Variants in NRXN3 observed in about 807,000 individuals in gnomAD.
NRXN3 encodes neurexin III.
Under a neutral mutation model 137.6 loss-of-function variants are expected in NRXN3, and 32 were observed. The observed-to-expected ratio is 0.23, with a 90% CI of 0.18 to 0.31. The LOEUF is 0.31. Ranked by LOEUF, NRXN3 falls within the 10% of genes least tolerant of loss-of-function variation. The probability of loss-of-function intolerance (pLI) is 1.00; values close to 1 mark genes in which losing one functional copy is unlikely to be tolerated. For synonymous variants in NRXN3, 798 were observed against 784.5 expected, an observed-to-expected ratio of 1.02 and a Z score of -0.29; for missense variants, 1,574 against 2,062.5, an observed-to-expected ratio of 0.76 and a Z score of 4.59.
intron 2 of NRXN3, among the ~76,000 whole-genome samples, chr14:78,249,121 A>G (rs551553340): frequency 6.6e-6 from 1 of 152,074 alleles, no homozygotes; most frequent in Admixed American, 6.5e-5. Context: ...CTCCCCTAAC[A>G]TCTCTGCCTC....
At chr14:78,405,614 G>GGGGC (rs1555510785) in intron 4 of NRXN3, among the ~76,000 whole-genome samples, 1 of 34,522 alleles carries the variant, frequency 2.9e-5, no homozygotes, top group Admixed American at 2.2e-4. Flanking sequence ...GGGAAGGGGC[G>GGGGC]GGGGGGTTCC....
rs529086318 is a variant in NRXN3 at position 78,856,939 on chromosome 14, G to T, written c.2275+46595G>T. Among the ~76,000 whole-genome samples the T allele has an allele frequency of 6.6e-5, 10 of 152,148 alleles. No homozygotes were observed. In the South Asian group the frequency reaches 2.1e-3, roughly 32 times the overall value. ...GTAGAAACATGGTTTCACCATGTTG[G>T]CCAGGCTGGCCTCAAACTCCTCACC... On this transcript the variant is annotated intron_variant, in intron 10 of 20. Coordinates refer to ENST00000335750, the MANE Select transcript of NRXN3 (RefSeq NM_001330195.2).
intron 10 of NRXN3, among the ~76,000 whole-genome samples, chr14:78,946,474 T>G (rs2099365479): frequency 6.6e-6 from 1 of 152,156 alleles, no homozygotes. Context: ...GACTCTAAGC[T>G]CCTTTAGAAC....
At chr14:79,177,332 C>T (rs1039516236) in intron 15 of NRXN3, among the ~76,000 whole-genome samples, 3 of 152,090 alleles carry the variant, frequency 2.0e-5, no homozygotes, top group Non-Finnish European at 4.4e-5. Context: ...CCGCTCACTC[C>T]CGACTTCAAG....
chr14:79,407,824 C>T (rs1446265947), intron 15 of NRXN3, among the ~76,000 whole-genome samples: 1 of 151,978 alleles, frequency 6.6e-6, no homozygotes, highest in Non-Finnish European at 1.5e-5. Flanking sequence ...AAGGGTAGGA[C>T]ACATGTGAGT....
chr14:79,034,619 T>C (rs1385485406), intron 15 of NRXN3, among the ~76,000 whole-genome samples: 1 of 152,134 alleles, frequency 6.6e-6, no homozygotes, highest in African/African-American at 2.4e-5. Context: ...CAAGGTGTTA[T>C]GATGTCTTGA....
intron 4 of NRXN3, among the ~76,000 whole-genome samples, chr14:78,298,639 C>G (rs2076589889): frequency 6.6e-6 from 1 of 152,138 alleles, no homozygotes; most frequent in South Asian, 2.1e-4. Context: ...GAGAGCTGAG[C>G]CTAGTTAAAA....
At chr14:78,844,750 G>C (rs538110260) in intron 10 of NRXN3, among the ~76,000 whole-genome samples, 1 of 152,102 alleles carries the variant, frequency 6.6e-6, no homozygotes, top group Non-Finnish European at 1.5e-5. Context: ...TTGATGATTT[G>C]GTTGAAAAAA....
At chr14:79,138,254 C>T (rs1389340485) in intron 15 of NRXN3, among the ~76,000 whole-genome samples, 2 of 152,108 alleles carry the variant, frequency 1.3e-5, no homozygotes, top group Non-Finnish European at 2.9e-5. Flanking sequence ...CTTCCAGGCT[C>T]ATGATCCTTA....
At chr14:78,592,966 G>T (rs116006519) in intron 4 of NRXN3, among the ~76,000 whole-genome samples, 2 of 152,162 alleles carry the variant, frequency 1.3e-5, no homozygotes, top group Non-Finnish European at 2.9e-5. Flanking sequence ...GTCTGATGTC[G>T]TCGTCATCGG....
intron 16 of NRXN3, among the ~76,000 whole-genome samples, chr14:79,594,386 A>G (rs1257229170): frequency 6.6e-6 from 1 of 152,204 alleles, no homozygotes; most frequent in Non-Finnish European, 1.5e-5. Context: ...AGCATGTCAT[A>G]TCTTTCAGAT....
At chr14:78,613,852 GAAAACCAAGTGC>G (rs1427640446) in intron 4 of NRXN3, among the ~76,000 whole-genome samples, 3 of 152,070 alleles carry the variant, frequency 2.0e-5, no homozygotes, top group African/African-American at 7.2e-5. Flanking sequence ...GAGAACTTAA[GAAAACCAAGTGC>G]ATTCTTAAAC....
At chr14:78,183,050 C>A (rs1335798747) in intron 1 of NRXN3, among the ~76,000 whole-genome samples, 2 of 152,096 alleles carry the variant, frequency 1.3e-5, no homozygotes, top group Non-Finnish European at 2.9e-5. Flanking sequence ...CAAGGAGGAT[C>A]CCCCACAGTC....
chr14:78,292,650 G>A (rs1235485400), intron 3 of NRXN3, among the ~76,000 whole-genome samples: 2 of 152,126 alleles, frequency 1.3e-5, no homozygotes. Context: ...ATTTGACATT[G>A]GCAATTCTTA....
intron 14 of NRXN3, among the ~76,000 whole-genome samples, chr14:78,981,867 T>G (rs905392581): frequency 3.3e-5 from 5 of 152,190 alleles, no homozygotes; most frequent in African/African-American, 9.7e-5. Flanking sequence ...ATTAAATACA[T>G]TGACATAAAA....
intron 15 of NRXN3, among the ~76,000 whole-genome samples, chr14:79,134,097 G>A (rs1378805848): frequency 6.6e-6 from 1 of 151,978 alleles, no homozygotes; most frequent in East Asian, 1.9e-4. Context: ...TCACCCCTTA[G>A]TGGTGAAGAA....
At chr14:78,189,734 C>A (rs533681421) in intron 1 of NRXN3, among the ~76,000 whole-genome samples, 1 of 152,220 alleles carries the variant, frequency 6.6e-6, no homozygotes, top group Admixed American at 6.5e-5. Flanking sequence ...TACAGGCATG[C>A]GCCACCACAC....
chr14:79,409,554 CTGT>C (rs1400772258), intron 15 of NRXN3, among the ~76,000 whole-genome samples: 5 of 145,510 alleles, frequency 3.4e-5, no homozygotes, highest in Admixed American at 1.4e-4. Flanking sequence ...TCCTGAGCTC[CTGT>C]TGTTTGTCAA....
intron 17 of NRXN3, among the ~76,000 whole-genome samples, chr14:79,680,368 A>G (rs1369881872): frequency 6.6e-6 from 1 of 152,114 alleles, no homozygotes; most frequent in African/African-American, 2.4e-5. Context: ...CTGGGCGATG[A>G]GAGTGAAACC....
Sources: allele counts gnomAD v4.1 joint callset (sites outside exome capture counted in the v4.1 genomes callset), GRCh38; gene constraint gnomAD v4.1.1; transcripts MANE v1.5; gene names NCBI Gene and HGNC (gene_info 2026-07-23, HGNC 2026-07-21).